The following ZC2HC1A variants were observed in gnomAD, a reference collection of about 807,000 sequenced individuals.
ZC2HC1A encodes zinc finger C2HC domain-containing protein 1A.
In ZC2HC1A, 28 loss-of-function variants were observed where a neutral mutation model predicts 40.7. The observed-to-expected ratio is 0.69, with a 90% CI of 0.51 to 0.94. The LOEUF is 0.94. ZC2HC1A is among the 40% of genes least tolerant of loss of function. The pLI, the probability that ZC2HC1A is intolerant of heterozygous loss-of-function variation, is 0.00. For synonymous variants in ZC2HC1A, 129 were observed against 129.2 expected, an observed-to-expected ratio of 1.00 and a Z score of 0.01; for missense variants, 389 against 386.3, an observed-to-expected ratio of 1.01 and a Z score of -0.06.
intron 8 of ZC2HC1A, among the ~76,000 whole-genome samples, chr8:78,716,712 C>T (rs947031201): frequency 3.3e-5 from 5 of 151,994 alleles, no homozygotes; most frequent in African/African-American, 1.2e-4. Context: ...AGATGGAAAG[C>T]GATGTGGTTT....
chr8:78,673,810 A>G (rs1262904021), intron 1 of ZC2HC1A, among the ~76,000 whole-genome samples: 2 of 152,096 alleles, frequency 1.3e-5, no homozygotes, highest in Admixed American at 6.6e-5. Flanking sequence ...TATGTGTTTT[A>G]TATATATCTT....
At chr8:78,699,133 T>TAG (rs1563633441) in intron 7 of ZC2HC1A, among the ~76,000 whole-genome samples, 1 of 152,106 alleles carries the variant, frequency 6.6e-6, no homozygotes, top group Non-Finnish European at 1.5e-5. Context: ...GTGATTCTGT[T>TAG]AGGAAAATGT....
intron 3 of ZC2HC1A, among the ~76,000 whole-genome samples, chr8:78,682,086 A>T (rs1245742771): frequency 6.6e-6 from 1 of 152,046 alleles, no homozygotes. Flanking sequence ...TTCAACACAT[A>T]ATTCTTGATT....
intron 2 of ZC2HC1A, among the ~76,000 whole-genome samples, chr8:78,677,539 A>G (rs770235901): frequency 2.6e-5 from 4 of 152,138 alleles, no homozygotes; most frequent in Admixed American, 6.6e-5. Flanking sequence ...TATTATGTTA[A>G]CTTTAGTAAT....
At position 78,693,417 on chromosome 8, in the gene ZC2HC1A, C is replaced by T. The variant is rs1210504290; in HGVS notation, c.505-3990C>T. Among the ~76,000 whole-genome samples, 9 of 152,214 alleles carry T rather than the reference C, an allele frequency of 5.9e-5. No homozygotes were observed. In the East Asian group the frequency reaches 7.7e-4, roughly 13 times the overall value. ...TGTTGTTTCCTGATTTTTTAATTATCGCCATTCTAACTGGTGTGAGATGGT... is the reference window on the plus strand; with the variant it reads ...TGTTGTTTCCTGATTTTTTAATTATTGCCATTCTAACTGGTGTGAGATGGT... On this transcript the variant is annotated intron_variant, in intron 5 of 8. Coordinates refer to ENST00000263849, the MANE Select transcript of ZC2HC1A (RefSeq NM_016010.3).
intron 7 of ZC2HC1A, among the ~76,000 whole-genome samples, chr8:78,700,000 G>A (rs966382386): frequency 6.6e-6 from 1 of 152,018 alleles, no homozygotes; most frequent in Non-Finnish European, 1.5e-5. Flanking sequence ...ATTGCTGGGG[G>A]AAATGGTAGT....
chr8:78,717,596 G>A lies in ZC2HC1A; in HGVS notation c.*103G>A, dbSNP rs907209906. On this transcript the variant is annotated 3_prime_UTR_variant, in exon 9 of 9. Coordinates refer to ENST00000263849, the MANE Select transcript of ZC2HC1A (RefSeq NM_016010.3). ...TAGTTAGTTTGTGCTAAAAATACTCGAAATACCATTTCCAGTTAATTTTGA... is the reference window on the plus strand; with the variant it reads ...TAGTTAGTTTGTGCTAAAAATACTCAAAATACCATTTCCAGTTAATTTTGA... 1.3e-5 allele frequency: 17 copies of A among 1,269,828 alleles called. No individual in the cohort carries two copies. Among genetic ancestry groups the A allele is most frequent in the African/African-American group, 3.0e-5 (2 of 66,854 alleles). The allele number at this position is 1,269,828 out of a possible 1,614,324, so 78.7% of individuals were successfully genotyped here.
At chr8:78,693,013 A>G (rs1293568327) in intron 5 of ZC2HC1A, among the ~76,000 whole-genome samples, 1 of 152,000 alleles carries the variant, frequency 6.6e-6, no homozygotes, top group Non-Finnish European at 1.5e-5. Context: ...TAGTTTGCTG[A>G]GAATGATGGT....
At chr8:78,712,559 A>T (rs932602309) in intron 7 of ZC2HC1A, among the ~76,000 whole-genome samples, 2 of 152,204 alleles carry the variant, frequency 1.3e-5, no homozygotes, top group Middle Eastern at 3.2e-3. Context: ...GAAACTTTCA[A>T]TCCAAGGGTC....
chr8:78,685,666 G>A (rs1191301773), intron 3 of ZC2HC1A, among the ~76,000 whole-genome samples: 1 of 152,116 alleles, frequency 6.6e-6, no homozygotes, highest in Non-Finnish European at 1.5e-5. Context: ...AATTTAAAAA[G>A]GTGCTCAGTC....
At chr8:78,687,636 A>ATATATATTATGTAATACAT (rs1563626734) in intron 4 of ZC2HC1A, among the ~76,000 whole-genome samples, 1 of 129,986 alleles carries the variant, frequency 7.7e-6, no homozygotes, top group South Asian at 2.3e-4. Flanking sequence ...GTAATACATT[A>ATATATATTATGTAATACAT]TATATATATT....
intron 7 of ZC2HC1A, among the ~76,000 whole-genome samples, chr8:78,708,058 A>G (rs1424835434): frequency 6.6e-6 from 1 of 152,194 alleles, no homozygotes; most frequent in African/African-American, 2.4e-5. Flanking sequence ...GGCATGTCAC[A>G]GAATTATCAT....
chr8:78,704,407 GAA>G (rs1810704191), intron 7 of ZC2HC1A, among the ~76,000 whole-genome samples: 1 of 140,518 alleles, frequency 7.1e-6, no homozygotes, highest in Non-Finnish European at 1.6e-5. Context: ...AAAAAAAAAA[GAA>G]TGTTAAATAT....
rs150480645 is a variant in ZC2HC1A at position 78,667,311 on chromosome 8, T to C, written c.16+1147T>C. On this transcript the variant is annotated intron_variant, in intron 1 of 8. Transcript: ENST00000263849. ...TGGACAGCTGCAGTATGCTATGGCC[T>C]AATGAAGGTCTTGTTTTTTGCTTAT... 1.2e-4 allele frequency among the ~76,000 whole-genome samples: 18 copies of C among 152,314 alleles called. No individual in the cohort carries two copies. In the East Asian group the frequency reaches 3.3e-3, roughly 28 times the overall value.
rs369680819 is a variant in ZC2HC1A at position 78,666,834 on chromosome 8, C to T, written c.16+670C>T. Among the ~76,000 whole-genome samples, 376 of 152,294 alleles carry T rather than the reference C, an allele frequency of 2.5e-3. 3 individuals carry two copies. The highest frequency in any genetic ancestry group is 6.5e-3 in the Admixed American group (99 of 15,298). ...GTTTATCTTTGTACTGTAACCATGACTCCAGATTTTGCTTTGTTCCCAGTT... is the reference window on the plus strand; with the variant it reads ...GTTTATCTTTGTACTGTAACCATGATTCCAGATTTTGCTTTGTTCCCAGTT... On this transcript the variant is annotated intron_variant, in intron 1 of 8. Coordinates refer to ENST00000263849, the MANE Select transcript of ZC2HC1A (RefSeq NM_016010.3).
chr8:78,666,323 A>G (rs1274590042), intron 1 of ZC2HC1A, among the ~76,000 whole-genome samples, 159 bp downstream of exon 1: 1 of 152,220 alleles, frequency 6.6e-6, no homozygotes, highest in East Asian at 1.9e-4. Flanking sequence ...GGAACCGGAC[A>G]GTCCCCGATG....
intron 7 of ZC2HC1A, among the ~76,000 whole-genome samples, chr8:78,713,678 A>C (rs753584414): frequency 6.6e-6 from 1 of 152,138 alleles, no homozygotes; most frequent in Non-Finnish European, 1.5e-5. Flanking sequence ...TTGCTTGTTG[A>C]AGTTTAGAAG....
chr8:78,688,287 G>T (rs1810091313), intron 4 of ZC2HC1A, among the ~76,000 whole-genome samples: 1 of 152,010 alleles, frequency 6.6e-6, no homozygotes, highest in South Asian at 2.1e-4. Context: ...AAGAGAGTGA[G>T]AGGGTACCAG....
chr8:78,687,879 A>G (rs1488312588), intron 4 of ZC2HC1A, among the ~76,000 whole-genome samples: 1 of 130,974 alleles, frequency 7.6e-6, no homozygotes, highest in Non-Finnish European at 1.6e-5. Flanking sequence ...TAATAAATAT[A>G]TATTTATATA....
Sources: gnomAD v4.1 joint callset for allele counts (sites outside exome capture counted in the v4.1 genomes callset) on GRCh38, gnomAD v4.1.1 for gene constraint, MANE v1.5 for transcripts, NCBI Gene and HGNC (gene_info 2026-07-23, HGNC 2026-07-21) for gene names.